Variants in MYH9 observed in about 807,000 individuals in gnomAD.
The protein encoded by MYH9 is myosin-9.
Under a neutral mutation model 241.9 loss-of-function variants are expected in MYH9, and 29 were observed. The observed-to-expected ratio is 0.12, with a 90% CI of 0.09 to 0.16. The LOEUF (loss-of-function observed/expected upper bound fraction) is 0.16, where lower values mean the gene tolerates loss of function less well. MYH9 is among the 10% of genes least tolerant of loss of function. MYH9 has a pLI of 1.00. For missense variants in MYH9, 1,803 were observed against 2,595.5 expected (o/e 0.69, Z 6.63); for synonymous variants, 1,047 against 1,062.6 (o/e 0.99, Z 0.29).
At chr22:36,284,906 G>A (rs1034762188) in intron 38 of MYH9, among the ~76,000 whole-genome samples, 1 of 152,100 alleles carries the variant, frequency 6.6e-6, no homozygotes, top group African/African-American at 2.4e-5. Flanking sequence ...CAAAACTCCT[G>A]GCTTTAGAGG....
chr22:36,305,841 G>A lies in MYH9; in HGVS notation c.2159+89C>T. On this transcript the variant is annotated intron_variant, in intron 17 of 40. Coordinates refer to ENST00000216181, the MANE Select transcript of MYH9 (RefSeq NM_002473.6). The surrounding 1 kb of genome is among the most constrained non-coding windows in gnomAD (Gnocchi z 4.7). ...TGGAGGACGTCGCTCCCTCACGACA[G>A]GATCCTGCCAGGGAGCAGCAGCCCA... 1.3e-6 allele frequency: 2 copies of A among 1,584,588 alleles called. No homozygotes were observed. The highest frequency in any genetic ancestry group is 4.5e-5 in the East Asian group (2 of 44,596).
At chr22:36,384,623 T>A (rs373423847) in intron 1 of MYH9, among the ~76,000 whole-genome samples, 1,941 of 42,428 alleles carry the variant, frequency 0.046, 136 homozygotes, top group Non-Finnish European at 0.082. Context: ...TATATATATA[T>A]ATATATATAT....
At chr22:36,348,784 G>A in intron 2 of MYH9, 120 bp downstream of exon 2, 1 of 941,906 alleles carries the variant, frequency 1.1e-6, no homozygotes, top group South Asian at 1.4e-5. Context: ...ACTCCTTCAA[G>A]CCCCCTTCTC....
intron 1 of MYH9, among the ~76,000 whole-genome samples, chr22:36,374,294 G>A (rs1217948767): frequency 6.6e-6 from 1 of 152,092 alleles, no homozygotes; most frequent in Admixed American, 6.6e-5. Flanking sequence ...AAGGTGGGCG[G>A]ATCACCTGAG....
intron 1 of MYH9, among the ~76,000 whole-genome samples, chr22:36,351,077 A>G (rs534875171): frequency 2.0e-5 from 3 of 152,346 alleles, no homozygotes; most frequent in South Asian, 2.1e-4. Flanking sequence ...GAACAAAGGG[A>G]AAAATCTAGG....
chr22:36,307,767 AAT>A (rs1293601217), intron 15 of MYH9, among the ~76,000 whole-genome samples: 1 of 152,140 alleles, frequency 6.6e-6, no homozygotes, highest in East Asian at 1.9e-4. Context: ...GGGTGCCTGT[AAT>A]CCTAGCTACT....
chr22:36,350,521 G>A (rs746118049), intron 1 of MYH9, among the ~76,000 whole-genome samples: 2 of 152,220 alleles, frequency 1.3e-5, no homozygotes, highest in Non-Finnish European at 2.9e-5. Context: ...TGGGCAACAA[G>A]AGCAAAACTC....
chr22:36,286,061 C>A, intron 35 of MYH9, 108 bp from the exon 36 acceptor site: 1 of 1,193,254 alleles, frequency 8.4e-7, no homozygotes, highest in Non-Finnish European at 1.2e-6. Flanking sequence ...GCCCACCTCC[C>A]CACGAAGCCC....
chr22:36,356,873 C>CA (rs1256965074), intron 1 of MYH9, among the ~76,000 whole-genome samples: 1 of 152,228 alleles, frequency 6.6e-6, no homozygotes, highest in Non-Finnish European at 1.5e-5. Context: ...CTGAATCCAA[C>CA]ACCCAAACGC....
rs2016570569 is a variant in MYH9 at position 36,285,823 on chromosome 22, C to T, written c.5150+42G>A. On this transcript the variant is annotated intron_variant, in intron 36 of 40. Coordinates refer to ENST00000216181, the MANE Select transcript of MYH9 (RefSeq NM_002473.6). This position sits in a 1 kb window ranked among gnomAD's most constrained non-coding sequence, Gnocchi z 7.0. ...AGAAGTGAGGGGCCTACCCTGGGGACACACCTGGTCCCCCCCAACTCTGCC... is the reference window on the plus strand; with the variant it reads ...AGAAGTGAGGGGCCTACCCTGGGGATACACCTGGTCCCCCCCAACTCTGCC... The T allele has an allele frequency of 3.1e-6, 5 of 1,613,432 alleles. No individual in the cohort carries two copies. The highest frequency in any genetic ancestry group is 4.2e-6 in the Non-Finnish European group (5 of 1,179,904).
At chr22:36,336,823 T>C (rs915145082) in intron 3 of MYH9, among the ~76,000 whole-genome samples, 2 of 152,252 alleles carry the variant, frequency 1.3e-5, no homozygotes, top group Non-Finnish European at 2.9e-5. Context: ...TGTCTTGTTT[T>C]GTAGCTAGGG....
chr22:36,288,615 G>T lies in MYH9; in HGVS notation c.4770+112C>A. On this transcript the variant is annotated intron_variant, in intron 33 of 40. Coordinates refer to ENST00000216181, the MANE Select transcript of MYH9 (RefSeq NM_002473.6). This position sits in a 1 kb window ranked among gnomAD's most constrained non-coding sequence, Gnocchi z 4.8. Reference sequence around the variant, plus strand: ...GGCTAGAAAGAAGGAATATGGGAGGGGAGGCGTGGTCAAGGGGCCCTAACA... The same window carrying T: ...GGCTAGAAAGAAGGAATATGGGAGGTGAGGCGTGGTCAAGGGGCCCTAACA... The T allele has an allele frequency of 7.3e-7, 1 of 1,373,500 alleles. No individual in the cohort carries two copies. The highest frequency in any genetic ancestry group is 1.2e-5 in the South Asian group (1 of 85,794). 85.1% of individuals were successfully genotyped at this position (1,373,500 alleles called of 1,614,324 possible). A position where few individuals can be genotyped will look rare whatever the true frequency, so the allele number is the denominator to read the frequency against.
intron 2 of MYH9, among the ~76,000 whole-genome samples, chr22:36,346,119 G>A (rs6000245): frequency 1.2e-4 from 18 of 148,914 alleles, no homozygotes; most frequent in African/African-American, 3.0e-4. Flanking sequence ...ACCACTGCAC[G>A]CCAGCCTGGG....
At chr22:36,356,794 G>A (rs1436403900) in intron 1 of MYH9, among the ~76,000 whole-genome samples, 10 of 152,174 alleles carry the variant, frequency 6.6e-5, no homozygotes, top group Admixed American at 5.9e-4. Context: ...TAGGTGGAGT[G>A]TCCACCTGGG....
At chr22:36,309,660 G>T (rs1227448294) in intron 14 of MYH9, among the ~76,000 whole-genome samples, 2 of 152,222 alleles carry the variant, frequency 1.3e-5, no homozygotes, top group African/African-American at 4.8e-5. Flanking sequence ...ACATGGCATG[G>T]TGGCCACACA....
At chr22:36,313,705 G>T (rs1310878939) in intron 13 of MYH9, among the ~76,000 whole-genome samples, 1 of 152,096 alleles carries the variant, frequency 6.6e-6, no homozygotes, top group African/African-American at 2.4e-5. Context: ...TGTACACCTG[G>T]GCAGAGCACT....
chr22:36,286,061 C>T, intron 35 of MYH9, 108 bp from the exon 36 acceptor site: 1 of 1,193,254 alleles, frequency 8.4e-7, no homozygotes, highest in Non-Finnish European at 1.2e-6. Context: ...GCCCACCTCC[C>T]CACGAAGCCC....
At position 36,282,723 on chromosome 22, in the gene MYH9, G is replaced by A. The variant is rs1403769723; in HGVS notation, c.5828C>T (p.Ser1943Phe). The A allele has an allele frequency of 6.2e-7, 1 of 1,613,844 alleles. No homozygotes were observed. Among genetic ancestry groups the A allele is most frequent in the Non-Finnish European group, 8.5e-7 (1 of 1,180,052 alleles). ...CGCTTTGCCATCTACCTCTTCGTCG[G>A]AGCCATCCCCGGCGCCTTTCCGGGC... Reference protein sequence around the residue: ...RMARKGAGDGSDEEVDGKADG... With the variant: ...RMARKGAGDGFDEEVDGKADG... Residue 1943 changes from serine to phenylalanine, a missense_variant, in exon 41 of 41, where the codon TCC becomes TTC. Around this residue, in one of 11 missense-constraint regions of MYH9, gnomAD observed 876 missense variants for 1,077.8 expected, o/e 0.81. Coordinates refer to ENST00000216181, the MANE Select transcript of MYH9 (RefSeq NM_002473.6).
chr22:36,318,193 C>T lies in MYH9; in HGVS notation c.1227+14G>A. 1 of 1,611,394 alleles carries T rather than the reference C, an allele frequency of 6.2e-7. No individual in the cohort carries two copies. Among genetic ancestry groups the T allele is most frequent in the Middle Eastern group, 1.7e-4 (1 of 5,938 alleles). ...CCAGGAGGCAGCCAGCTGCCCTGGCCCCAGAGGACATACCTGCTCTTTAGT... is the reference window on the plus strand; with the variant it reads ...CCAGGAGGCAGCCAGCTGCCCTGGCTCCAGAGGACATACCTGCTCTTTAGT... On this transcript the variant is annotated intron_variant, in intron 11 of 40. Coordinates refer to ENST00000216181, the MANE Select transcript of MYH9 (RefSeq NM_002473.6).
Sources: allele counts gnomAD v4.1 joint callset (sites outside exome capture counted in the v4.1 genomes callset), GRCh38; gene constraint gnomAD v4.1.1; regional missense constraint gnomAD v4.1.1; non-coding constraint Gnocchi (gnomAD v3.1); transcripts MANE v1.5; gene names NCBI Gene and HGNC (gene_info 2026-07-23, HGNC 2026-07-21).